Variants in ADCY1 observed in about 807,000 individuals in gnomAD.
ADCY1 encodes the protein adenylate cyclase type 1.
A neutral mutation model predicts 105.4 loss-of-function variants in ADCY1; 28 were observed. The ratio of observed to expected loss-of-function variants is 0.27; its 90% confidence interval spans 0.20 to 0.36. The LOEUF (loss-of-function observed/expected upper bound fraction) is 0.36, where lower values mean the gene tolerates loss of function less well. Ranked by LOEUF, ADCY1 falls within the 10% of genes least tolerant of loss-of-function variation. The pLI is 1.00. For synonymous variants in ADCY1, 655 were observed against 623.8 expected (o/e 1.05, Z -0.75); for missense variants, 977 against 1,434.2 (o/e 0.68, Z 5.15).
Position 45,721,946 on chromosome 7 carries a change from T to G in ADCY1, c.*7951T>G. 2.5e-6 allele frequency: 1 copy of G among 398,048 alleles called. No individual in the cohort carries two copies. The highest frequency in any genetic ancestry group is 4.4e-6 in the Non-Finnish European group (1 of 225,932). 24.7% of individuals were successfully genotyped at this position (398,048 alleles called of 1,614,324 possible). A position where few individuals can be genotyped will look rare whatever the true frequency, so the allele number is the denominator to read the frequency against. ...CTCCCAAGAGATCTATTAAATCTTG[T>G]GGGCTGAATAAATATCTCGTGCAGG... On this transcript the variant is annotated 3_prime_UTR_variant, in exon 20 of 20. Transcript: ENST00000297323.
Position 45,708,418 on chromosome 7 carries a change from G to C in ADCY1, c.2886G>C (p.Leu962=). The C allele has an allele frequency of 6.2e-7, 1 of 1,614,208 alleles. No individual in the cohort carries two copies. Among genetic ancestry groups the C allele is most frequent in the African/African-American group, 1.3e-5 (1 of 75,052 alleles). ...ADFAIEMFDV[L]DEINYQSYND... ...TTGCCATTGAGATGTTTGACGTTCT[G>C]GATGAAATCAACTACCAGTCTTACA... is the stretch of plus-strand genomic sequence containing the variant. Residue 962 remains leucine, a synonymous_variant, in exon 18 of 20, where the codon CTG becomes CTC. Coordinates refer to ENST00000297323, the MANE Select transcript of ADCY1 (RefSeq NM_021116.4). This position sits in a 1 kb window ranked among gnomAD's most constrained non-coding sequence, Gnocchi z 4.7.
intron 12 of ADCY1, among the ~76,000 whole-genome samples, chr7:45,685,314 ACAGGACAGACAGGG>A (rs993823674): frequency 6.6e-6 from 1 of 152,248 alleles, no homozygotes; most frequent in African/African-American, 2.4e-5. Flanking sequence ...GGGTGGAAAA[ACAGGACAGACAGGG>A]CAGGAGGAAC....
chr7:45,658,031 C>T (rs1210715690), intron 6 of ADCY1, 146 bp downstream of exon 6: 4 of 960,584 alleles, frequency 4.2e-6, no homozygotes, highest in Non-Finnish European at 4.6e-6. Context: ...CCAGCCGCAC[C>T]TGCCAACCAG....
At position 45,574,555 on chromosome 7, in the gene ADCY1, G is replaced by T; in HGVS notation, c.12G>T (p.Ala4=). The T allele has an allele frequency of 1.0e-6, 1 of 977,270 alleles. No homozygotes were observed. The highest frequency in any genetic ancestry group is 1.8e-5 in the African/African-American group (1 of 55,948). The allele number at this position is 977,270 out of a possible 1,614,324, so 60.5% of individuals were successfully genotyped here. The stretch of plus-strand genomic sequence containing the variant: ...TGCATGGCGCTGAGATGGCGGGGGC[G>T]CCGCGCGGCGGAGGCGGCGGCGGAG... MAG[A]PRGGGGGGGG... The change falls in exon 1 of 20, where the codon GCG becomes GCT. Residue 4 remains alanine, a synonymous_variant. Transcript: ENST00000297323. This position sits in a 1 kb window ranked among gnomAD's most constrained non-coding sequence, Gnocchi z 7.0.
At chr7:45,677,132 G>A (rs1784471448) in intron 8 of ADCY1, among the ~76,000 whole-genome samples, 1 of 152,036 alleles carries the variant, frequency 6.6e-6, no homozygotes, top group Admixed American at 6.5e-5. Context: ...ACCTTTCACA[G>A]TCTGTGTGCT....
intron 8 of ADCY1, among the ~76,000 whole-genome samples, chr7:45,669,771 C>T (rs1464228979): frequency 6.6e-6 from 1 of 152,140 alleles, no homozygotes; most frequent in Non-Finnish European, 1.5e-5. Context: ...AAAATTTCAA[C>T]TTGTTTGGTC....
chr7:45,714,735 A>G lies in ADCY1; in HGVS notation c.*740A>G, dbSNP rs982138148. ...GCCCTGTGACCCCCTCTCCACAACCATGGCCAGCATCGGCTTCTTGCTGCA... is the reference window on the plus strand; with the variant it reads ...GCCCTGTGACCCCCTCTCCACAACCGTGGCCAGCATCGGCTTCTTGCTGCA... On this transcript the variant is annotated 3_prime_UTR_variant, in exon 20 of 20. Transcript: ENST00000297323. The G allele has an allele frequency of 7.9e-5, 12 of 152,746 alleles. No homozygotes were observed. The highest frequency in any genetic ancestry group is 2.1e-4 in the South Asian group (1 of 4,818). The allele number at this position is 152,746 out of a possible 1,614,324, so 9.5% of individuals were successfully genotyped here.
chr7:45,686,083 T>C lies in ADCY1; in HGVS notation c.2195T>C (p.Leu732Pro), dbSNP rs1489036548. The stretch of plus-strand genomic sequence containing the variant: ...TGCGAGTCTACACACCATGCCCTGC[T>C]CTGCTGCCTGGTGGGCACCCTCCCG... ...LPCESTHHAL[L>P]CCLVGTLPLA... Residue 732 changes from leucine to proline, a missense_variant, in exon 13 of 20, where the codon CTC (leucine) becomes CCC (proline). Leu to Pro is a moderately conservative substitution (Grantham distance 98, BLOSUM62 -3). Transcript: ENST00000297323. The surrounding 1 kb of genome is among the most constrained non-coding windows in gnomAD (Gnocchi z 4.3). 2 of 1,614,126 alleles carry C rather than the reference T, an allele frequency of 1.2e-6. No homozygotes were observed. Among genetic ancestry groups the C allele is most frequent in the Non-Finnish European group, 1.7e-6 (2 of 1,180,006 alleles).
At position 45,579,841 on chromosome 7, in the gene ADCY1, G is replaced by A. The variant is rs562862759; in HGVS notation, c.639+4659G>A. Among the ~76,000 whole-genome samples the A allele has an allele frequency of 9.9e-5, 15 of 152,282 alleles. No individual in the cohort carries two copies. In the East Asian group the frequency reaches 1.5e-3, roughly 16 times the overall value. On this transcript the variant is annotated intron_variant, in intron 1 of 19. Transcript: ENST00000297323. ...TGCTCCTGACTCTGGCTTCAGTCCTGTGGCAGCCTCGCTGCTTCCTCCAGC... is the reference window on the plus strand; with the variant it reads ...TGCTCCTGACTCTGGCTTCAGTCCTATGGCAGCCTCGCTGCTTCCTCCAGC...
At chr7:45,681,432 AGC>A (rs1296774330) in intron 11 of ADCY1, among the ~76,000 whole-genome samples, 15 of 152,246 alleles carry the variant, frequency 9.9e-5, no homozygotes, top group African/African-American at 3.6e-4. Flanking sequence ...CTCTTCTGTG[AGC>A]AAGCATAGAG....
chr7:45,680,360 G>A (rs1784532153), intron 11 of ADCY1: 1 of 169,860 alleles, frequency 5.9e-6, no homozygotes, highest in Non-Finnish European at 1.3e-5. Flanking sequence ...GGCTTTTGCA[G>A]GAAAGACGTG....
chr7:45,711,617 A>G (rs916164230), intron 19 of ADCY1, among the ~76,000 whole-genome samples: 1 of 36,998 alleles, frequency 2.7e-5, no homozygotes, highest in African/African-American at 7.6e-5. Context: ...GTATATATAT[A>G]TATATATATA....
At chr7:45,590,826 G>A (rs537720456) in intron 1 of ADCY1, among the ~76,000 whole-genome samples, 1 of 152,176 alleles carries the variant, frequency 6.6e-6, no homozygotes, top group Non-Finnish European at 1.5e-5. Context: ...AGAGGGTGTG[G>A]TCAGGGTGGT....
intron 1 of ADCY1, among the ~76,000 whole-genome samples, chr7:45,577,791 A>G (rs1041753353): frequency 2.0e-5 from 3 of 152,248 alleles, no homozygotes; most frequent in African/African-American, 7.2e-5. Flanking sequence ...TGCTGAGCCC[A>G]GTGAGTTCCA....
At chr7:45,635,313 A>T (rs1226490007) in intron 4 of ADCY1, among the ~76,000 whole-genome samples, 1 of 151,842 alleles carries the variant, frequency 6.6e-6, no homozygotes, top group African/African-American at 2.4e-5. Flanking sequence ...TTGAGTTTTT[A>T]AAAAATAACT....
intron 14 of ADCY1, among the ~76,000 whole-genome samples, chr7:45,688,938 G>A (rs60822499): frequency 4.6e-4 from 69 of 151,366 alleles, no homozygotes; most frequent in African/African-American, 1.5e-3. Flanking sequence ...CAGTCTACCC[G>A]CTGTCTGTAG....
intron 14 of ADCY1, among the ~76,000 whole-genome samples, chr7:45,692,478 T>C (rs1019063176): frequency 5.9e-5 from 9 of 152,134 alleles, no homozygotes; most frequent in Non-Finnish European, 1.3e-4. Context: ...CCCAGGTAGG[T>C]TGGATGTGAT....
At chr7:45,698,046 A>G (rs551010204) in intron 14 of ADCY1, among the ~76,000 whole-genome samples, 28 of 152,298 alleles carry the variant, frequency 1.8e-4, no homozygotes, top group East Asian at 7.7e-4. Flanking sequence ...CAAACACATC[A>G]TGAGGGCTGT....
At chr7:45,665,395 A>G (rs1483733739) in intron 8 of ADCY1, among the ~76,000 whole-genome samples, 1 of 152,214 alleles carries the variant, frequency 6.6e-6, no homozygotes, top group African/African-American at 2.4e-5. Context: ...GGAACATGAC[A>G]TTGCCTGCCT....
Sources: allele counts gnomAD v4.1 joint callset (sites outside exome capture counted in the v4.1 genomes callset), GRCh38; gene constraint gnomAD v4.1.1; non-coding constraint Gnocchi (gnomAD v3.1); transcripts MANE v1.5; gene names NCBI Gene and HGNC (gene_info 2026-07-23, HGNC 2026-07-21).